Variants in WDR76 observed in about 807,000 individuals in gnomAD.
WDR76 encodes WD repeat domain 76, also known as WD repeat-containing protein 76.
WDR76 carries 52 observed loss-of-function variants against 70.2 expected under a neutral mutation model. The ratio of observed to expected loss-of-function variants is 0.74; its 90% CI spans 0.59 to 0.93. The LOEUF (loss-of-function observed/expected upper bound fraction) is 0.93, where lower values mean the gene tolerates loss of function less well. Ranked by LOEUF, WDR76 falls within the 40% of genes least tolerant of loss-of-function variation. The pLI is 0.00. For synonymous variants in WDR76, 292 were observed against 271.1 expected, an observed-to-expected ratio of 1.08 and a Z score of -0.76; for missense variants, 756 against 760.2, an observed-to-expected ratio of 0.99 and a Z score of 0.07.
chr15:43,854,861 G>A (rs1246479107), intron 9 of WDR76, among the ~76,000 whole-genome samples: 1 of 151,344 alleles, frequency 6.6e-6, no homozygotes, highest in Non-Finnish European at 1.5e-5. Flanking sequence ...AGGCCACGGA[G>A]AATCGCTTGA....
rs2087737637 is a variant in WDR76, at chr15:43,842,528, G to A, written c.834+12G>A. On this transcript the variant is annotated intron_variant, in intron 6 of 12. Coordinates refer to ENST00000263795, the MANE Select transcript of WDR76 (RefSeq NM_024908.4). ...CAGGAATGAGCAAGGTATCACTTGG[G>A]AAGGCCAATAGCCTTTAGAATCATC... 2 of 1,612,528 alleles carry A rather than the reference G, an allele frequency of 1.2e-6. No individual in the cohort carries two copies. Among genetic ancestry groups the A allele is most frequent in the Admixed American group, 1.7e-5 (1 of 59,840 alleles).
chr15:43,857,096 A>G lies in WDR76; in HGVS notation c.1342A>G (p.Met448Val), dbSNP rs748552737. The part of the protein sequence containing the change: ...TSYEKLTSSS[M>V]GKIRTVHVHP... ...TTATGAGAAACTTACCAGTTCTTCTATGGGAAAAATAAGAACTGTTCATGT... is the reference window on the plus strand; with the variant it reads ...TTATGAGAAACTTACCAGTTCTTCTGTGGGAAAAATAAGAACTGTTCATGT... The change falls in exon 10 of 13, where the codon ATG becomes GTG. Residue 448 changes from methionine (M) to valine (V), a missense_variant. Transcript: ENST00000263795. The G allele has an allele frequency of 6.2e-7, 1 of 1,614,102 alleles. No individual in the cohort carries two copies. The highest frequency in any genetic ancestry group is 8.5e-7 in the Non-Finnish European group (1 of 1,180,002).
intron 11 of WDR76, among the ~76,000 whole-genome samples, chr15:43,860,038 C>T (rs1052479016): frequency 6.6e-6 from 1 of 152,140 alleles, no homozygotes; most frequent in Admixed American, 6.6e-5. Flanking sequence ...ATCACTTGAG[C>T]CCAGGAGTTC....
chr15:43,841,876 G>GT (rs772846820), intron 5 of WDR76, among the ~76,000 whole-genome samples: 74 of 150,016 alleles, frequency 4.9e-4, no homozygotes, highest in East Asian at 2.7e-3. Context: ...TTTGTTTTTT[G>GT]TTTTTTTTTG....
In WDR76 at chr15:43,840,285, A is replaced by T. The variant is rs553176388; in HGVS notation, c.732+557A>T. ...TAACCTTTCTGATTGTTTCTCCATT[A>T]AAAAAAAGTCAGCAATAATAGAACC... On this transcript the variant is annotated intron_variant, in intron 5 of 12. Coordinates refer to ENST00000263795, the MANE Select transcript of WDR76 (RefSeq NM_024908.4). 2.0e-5 allele frequency among the ~76,000 whole-genome samples: 3 copies of T among 151,902 alleles called. No individual in the cohort carries two copies. The East Asian group carries it at 5.8e-4, about 29-fold the overall frequency.
intron 8 of WDR76, among the ~76,000 whole-genome samples, chr15:43,850,686 A>G (rs1220482841): frequency 6.6e-6 from 1 of 152,204 alleles, no homozygotes; most frequent in African/African-American, 2.4e-5. Context: ...ACTGAGAATG[A>G]GTAAGTTAAT....
chr15:43,855,688 C>T (rs898547687), intron 9 of WDR76, among the ~76,000 whole-genome samples: 12 of 151,962 alleles, frequency 7.9e-5, no homozygotes, highest in East Asian at 7.7e-4. Context: ...AACTTAATAA[C>T]GTGCTCATGA....
chr15:43,842,439 G>A lies in WDR76; in HGVS notation c.757G>A (p.Glu253Lys), dbSNP rs996958442. 5.0e-6 allele frequency: 8 copies of A among 1,613,952 alleles called. No homozygotes were observed. Among genetic ancestry groups the A allele is most frequent in the Non-Finnish European group, 6.8e-6 (8 of 1,179,964 alleles). Residue 253 changes from glutamate to lysine, a missense_variant, in exon 6 of 13, where the codon GAA becomes AAA. Glu to Lys is a moderately conservative substitution (Grantham distance 56). Transcript: ENST00000263795. ...ETPLLPPGPL[E>K]MTSENQEDNN... ...GCCTTTGTTACCTCCTGGGCCTTTA[G>A]AAATGACTTCTGAAAATCAAGAAGA...
At position 43,835,058 on chromosome 15, in the gene WDR76, T is replaced by C. The variant is rs1343410219; in HGVS notation, c.463-3T>C. The C allele has an allele frequency of 4.3e-6, 7 of 1,613,320 alleles. No homozygotes were observed. Among genetic ancestry groups the C allele is most frequent in the South Asian group, 1.1e-5 (1 of 91,060 alleles). On this transcript the variant is annotated splice_region_variant and splice_polypyrimidine_tract_variant and intron_variant, in intron 2 of 12. Coordinates refer to ENST00000263795, the MANE Select transcript of WDR76 (RefSeq NM_024908.4). ...ATGGAATCTTTTTGGTGTAATTTTATAGGATTTTTCGGGATTGTCACCCTA... is the reference window on the plus strand; with the variant it reads ...ATGGAATCTTTTTGGTGTAATTTTACAGGATTTTTCGGGATTGTCACCCTA...
intron 5 of WDR76, among the ~76,000 whole-genome samples, chr15:43,840,005 A>G (rs1213470929): frequency 6.6e-6 from 1 of 151,936 alleles, no homozygotes; most frequent in Non-Finnish European, 1.5e-5. Context: ...TTACAGGCAC[A>G]TGCCACCATA....
At chr15:43,835,225 G>A (rs1180498442) in intron 3 of WDR76, 75 bp downstream of exon 3, 2 of 1,396,758 alleles carry the variant, frequency 1.4e-6, no homozygotes, top group East Asian at 2.3e-5. Flanking sequence ...CTGTCACTTG[G>A]GGAGGCTGAC....
At chr15:43,834,991 T>A in intron 2 of WDR76, 70 bp from the exon 3 acceptor site, 1 of 1,245,780 alleles carries the variant, frequency 8.0e-7, no homozygotes. Context: ...AAATGAAACA[T>A]GTAGTTTTGT....
At chr15:43,848,690 C>G (rs2087818441) in intron 8 of WDR76, among the ~76,000 whole-genome samples, 1 of 152,140 alleles carries the variant, frequency 6.6e-6, no homozygotes. Flanking sequence ...CCTGTAATCC[C>G]AACACTTTGG....
intron 9 of WDR76, among the ~76,000 whole-genome samples, chr15:43,851,618 T>TA (rs1402133599): frequency 6.6e-6 from 1 of 152,190 alleles, no homozygotes; most frequent in African/African-American, 2.4e-5. Context: ...TAAAATAACT[T>TA]ACTCTTCTGT....
At chr15:43,837,684 T>G (rs980657051) in intron 4 of WDR76, among the ~76,000 whole-genome samples, 1 of 152,140 alleles carries the variant, frequency 6.6e-6, no homozygotes, top group Non-Finnish European at 1.5e-5. Context: ...TTTTGAAAAT[T>G]ATTAAATATA....
intron 12 of WDR76, chr15:43,863,962 CTG>C (rs952912818): frequency 6.6e-5 from 10 of 152,302 alleles, no homozygotes; most frequent in East Asian, 5.8e-4. Context: ...CTGTAACTGA[CTG>C]TGAACAATCA....
intron 2 of WDR76, among the ~76,000 whole-genome samples, chr15:43,830,190 C>T (rs1296974799): frequency 6.6e-6 from 1 of 151,810 alleles, no homozygotes; most frequent in Non-Finnish European, 1.5e-5. Context: ...TAACAGTTTC[C>T]TAGAGACGCT....
chr15:43,844,089 T>G, intron 8 of WDR76, 35 bp downstream of exon 8: 1 of 1,593,054 alleles, frequency 6.3e-7, no homozygotes, highest in Non-Finnish European at 8.6e-7. Flanking sequence ...TATTATAGTT[T>G]GACTAAAGCA....
intron 8 of WDR76, among the ~76,000 whole-genome samples, chr15:43,846,642 A>C (rs1214040167): frequency 7.5e-6 from 1 of 133,822 alleles, no homozygotes; most frequent in Non-Finnish European, 1.8e-5. Flanking sequence ...TGATTAAATG[A>C]AGGTTTTTTT....
Sources: gnomAD v4.1 joint callset for allele counts (sites outside exome capture counted in the v4.1 genomes callset) on GRCh38, gnomAD v4.1.1 for gene constraint, MANE v1.5 for transcripts, NCBI Gene and HGNC (gene_info 2026-07-23, HGNC 2026-07-21) for gene names.